Variants in FOXJ3 observed in about 807,000 individuals in gnomAD.
The protein encoded by FOXJ3 is forkhead box J3, also known as forkhead box protein J3.
In FOXJ3, 22 loss-of-function variants were observed where a neutral mutation model predicts 76.1. That is an observed-to-expected ratio of 0.29 (90% CI 0.21 to 0.41). The LOEUF (loss-of-function observed/expected upper bound fraction) is 0.41. FOXJ3 is among the 10% of genes least tolerant of loss of function. The pLI is 1.00. For synonymous variants in FOXJ3, 269 were observed against 261.2 expected, an observed-to-expected ratio of 1.03 and a Z score of -0.29; for missense variants, 613 against 762.1, an observed-to-expected ratio of 0.80 and a Z score of 2.30.
At chr1:42,214,636 G>A (rs1343602849) in intron 5 of FOXJ3, among the ~76,000 whole-genome samples, 1 of 152,170 alleles carries the variant, frequency 6.6e-6, no homozygotes, top group African/African-American at 2.4e-5. Context: ...AGGTTGGGAA[G>A]GTAAGTCAAA....
chr1:42,323,846 G>C (rs182640748), intron 1 of FOXJ3: 22 of 215,924 alleles, frequency 1.0e-4, no homozygotes, highest in Non-Finnish European at 1.4e-4. Context: ...AAAAGATGAC[G>C]TTAGATGCAT....
chr1:42,279,136 G>A (rs546238050), intron 2 of FOXJ3, among the ~76,000 whole-genome samples: 1 of 152,282 alleles, frequency 6.6e-6, no homozygotes, highest in African/African-American at 2.4e-5. Flanking sequence ...GTAAGGTGGA[G>A]GCAAGAGGTC....
At chr1:42,308,660 C>T (rs530552735) in intron 2 of FOXJ3, among the ~76,000 whole-genome samples, 15 of 152,070 alleles carry the variant, frequency 9.9e-5, no homozygotes, top group Non-Finnish European at 2.2e-4. Context: ...TGTCACAGGG[C>T]TTCTCAGTTT....
intron 4 of FOXJ3, among the ~76,000 whole-genome samples, chr1:42,230,775 C>A (rs1176753220): frequency 1.2e-5 from 1 of 80,596 alleles, no homozygotes; most frequent in Non-Finnish European, 3.3e-5. Context: ...GACGGTGTAA[C>A]CACTGTAGAA....
intron 4 of FOXJ3, among the ~76,000 whole-genome samples, chr1:42,245,303 T>C (rs1244258342): frequency 1.3e-5 from 2 of 152,060 alleles, no homozygotes; most frequent in Non-Finnish European, 2.9e-5. Flanking sequence ...GAGGAAGGAA[T>C]TCTCCTTTAT....
chr1:42,182,150 G>A, intron 11 of FOXJ3, 126 bp from the exon 12 acceptor site: 2 of 596,204 alleles, frequency 3.4e-6, no homozygotes, highest in Admixed American at 3.0e-5. Context: ...GAGAAAGGGG[G>A]AAGAAAATAT....
chr1:42,269,918 C>T (rs1278139851), intron 3 of FOXJ3, among the ~76,000 whole-genome samples: 2 of 152,126 alleles, frequency 1.3e-5, no homozygotes, highest in African/African-American at 4.8e-5. Flanking sequence ...TTCCTCTCAG[C>T]CCTGCTTCCA....
intron 4 of FOXJ3, among the ~76,000 whole-genome samples, chr1:42,229,252 T>C (rs751581360): frequency 7.9e-5 from 12 of 152,182 alleles, no homozygotes; most frequent in African/African-American, 1.2e-4. Flanking sequence ...ATTTAGACCA[T>C]TGTTTGCAAA....
chr1:42,260,872 T>C (rs981711684), intron 4 of FOXJ3, among the ~76,000 whole-genome samples: 2 of 152,136 alleles, frequency 1.3e-5, no homozygotes, highest in African/African-American at 2.4e-5. Context: ...ACTGTAGTTA[T>C]TTCCCCAGGA....
chr1:42,273,718 A>G (rs1361149107), intron 3 of FOXJ3, among the ~76,000 whole-genome samples: 1 of 151,464 alleles, frequency 6.6e-6, no homozygotes, highest in Non-Finnish European at 1.5e-5. Context: ...GGAGGATATC[A>G]TGTAGACCAG....
At chr1:42,228,834 T>C (rs1305566817) in intron 4 of FOXJ3, among the ~76,000 whole-genome samples, 1 of 152,086 alleles carries the variant, frequency 6.6e-6, no homozygotes, top group Admixed American at 6.6e-5. Flanking sequence ...GGGAGGAAGA[T>C]ATGCATTTCA....
At chr1:42,196,255 A>T (rs907139853) in intron 7 of FOXJ3, among the ~76,000 whole-genome samples, 4 of 152,192 alleles carry the variant, frequency 2.6e-5, no homozygotes, top group Non-Finnish European at 4.4e-5. Flanking sequence ...TACTGTCTGT[A>T]TAAGTAATAA....
At position 42,278,549 on chromosome 1, in the gene FOXJ3, C is replaced by G; in HGVS notation, c.168G>C (p.Lys56Asn). 1.9e-6 allele frequency: 3 copies of G among 1,614,128 alleles called. No individual in the cohort carries two copies. The highest frequency in any genetic ancestry group is 2.5e-6 in the Non-Finnish European group (3 of 1,180,010). ...QNAHGTGISK[K>N]NALLDPNTTL... ...TTGTATTTGGGTCAAGGAGTGCATT[C>G]TTCTTAGAAATTCCTGTTCCATGTG... The change falls in exon 3 of 13, where the codon AAG (lysine) becomes AAC (asparagine). Residue 56 changes from lysine (K) to asparagine (N), a missense_variant. Lys to Asn is a moderately conservative substitution (Grantham distance 94, BLOSUM62 0). Transcript: ENST00000361346.
chr1:42,309,783 T>C (rs1418528144), intron 2 of FOXJ3, among the ~76,000 whole-genome samples: 1 of 152,238 alleles, frequency 6.6e-6, no homozygotes, highest in Non-Finnish European at 1.5e-5. Flanking sequence ...GTTTAGATTA[T>C]TTTTCACTCT....
chr1:42,277,249 G>A (rs548583704), intron 3 of FOXJ3, among the ~76,000 whole-genome samples: 20 of 152,142 alleles, frequency 1.3e-4, no homozygotes, highest in African/African-American at 4.6e-4. Context: ...TTCGAGACCA[G>A]CATGGGCAAC....
chr1:42,208,699 G>A (rs1646907055), intron 5 of FOXJ3, among the ~76,000 whole-genome samples: 1 of 152,132 alleles, frequency 6.6e-6, no homozygotes, highest in Admixed American at 6.5e-5. Context: ...AAAGCAATTA[G>A]GCAAGAGAAG....
intron 4 of FOXJ3, among the ~76,000 whole-genome samples, chr1:42,248,730 CTTTTTTTTT>C (rs4019587): frequency 9.0e-4 from 83 of 92,238 alleles, no homozygotes; most frequent in Non-Finnish European, 1.3e-3. Context: ...CCTGTTTTTT[CTTTTTTTTT>C]TTTTTTTTTT....
chr1:42,301,154 G>A (rs984897695), intron 2 of FOXJ3, among the ~76,000 whole-genome samples: 7 of 151,948 alleles, frequency 4.6e-5, no homozygotes, highest in Non-Finnish European at 1.0e-4. Flanking sequence ...TAACCTGTAA[G>A]TTTGGATGCT....
At chr1:42,310,360 G>C (rs569823090) in intron 2 of FOXJ3, among the ~76,000 whole-genome samples, 1 of 151,792 alleles carries the variant, frequency 6.6e-6, no homozygotes, top group African/African-American at 2.4e-5. Flanking sequence ...TGGCCAGAAT[G>C]GTCTCAATTT....
Sources: allele counts gnomAD v4.1 joint callset (sites outside exome capture counted in the v4.1 genomes callset), GRCh38; gene constraint gnomAD v4.1.1; transcripts MANE v1.5; gene names NCBI Gene and HGNC (gene_info 2026-07-23, HGNC 2026-07-21).